Variants in PTPRN2 observed in about 807,000 individuals in gnomAD.
PTPRN2 encodes the protein protein tyrosine phosphatase receptor type N2.
Under a neutral mutation model 118.8 loss-of-function variants are expected in PTPRN2, and 74 were observed. The observed-to-expected ratio is 0.62, with a 90% CI of 0.52 to 0.76. The LOEUF (loss-of-function observed/expected upper bound fraction) is 0.76. PTPRN2 is among the 30% of genes least tolerant of loss of function. The pLI, the probability that PTPRN2 is intolerant of heterozygous loss-of-function variation, is 0.00. For synonymous variants in PTPRN2, 641 were observed against 608.0 expected (o/e 1.05, Z -0.80); for missense variants, 1,481 against 1,394.4 (o/e 1.06, Z -0.99).
At position 157,568,891 on chromosome 7, in the gene PTPRN2, C is replaced by G; in HGVS notation, c.2902+11G>C. ...CTGAGCCGCAACAAAGCGGCAGTGT[C>G]TGTGTCTCACCTTTGGCCATCTTGT... On this transcript the variant is annotated intron_variant, in intron 21 of 22. Transcript: ENST00000389418. 2.6e-6 allele frequency: 4 copies of G among 1,546,372 alleles called. No homozygotes were observed. In the South Asian group the frequency reaches 4.5e-5, roughly 17 times the overall value.
At chr7:157,558,074 A>G (rs1798993779) in intron 21 of PTPRN2, among the ~76,000 whole-genome samples, 1 of 62,304 alleles carries the variant, frequency 1.6e-5, no homozygotes, top group Non-Finnish European at 3.9e-5. Flanking sequence ...AGGCGAGCAC[A>G]GCTTCACAAT....
At position 158,008,406 on chromosome 7, in the gene PTPRN2, C is replaced by T. The variant is rs188921311; in HGVS notation, c.1723+72892G>A. Among the ~76,000 whole-genome samples, 117 of 152,326 alleles carry T rather than the reference C, an allele frequency of 7.7e-4. 3 individuals carry two copies. The highest frequency in any genetic ancestry group is 7.3e-3 in the Admixed American group (112 of 15,304). ...TACAGAGAAGGCCGCGGGGGCTCCCCGCCAGGTCTGTGCATTTCAACTCAG... is the reference window on the plus strand; with the variant it reads ...TACAGAGAAGGCCGCGGGGGCTCCCTGCCAGGTCTGTGCATTTCAACTCAG... On this transcript the variant is annotated intron_variant, in intron 11 of 22. Coordinates refer to ENST00000389418, the MANE Select transcript of PTPRN2 (RefSeq NM_002847.5).
chr7:158,205,354 C>G (rs1585845234), intron 3 of PTPRN2, 81 bp from the exon 4 acceptor site: 1 of 996,438 alleles, frequency 1.0e-6, no homozygotes, highest in East Asian at 2.5e-5. Flanking sequence ...CAATTAGTTG[C>G]ATTTCAGCAT....
At chr7:158,165,931 G>T (rs1248420070) in intron 6 of PTPRN2, among the ~76,000 whole-genome samples, 1 of 152,148 alleles carries the variant, frequency 6.6e-6, no homozygotes, top group Non-Finnish European at 1.5e-5. Context: ...CTAGTGCATG[G>T]TGAGCAGCAT....
At chr7:158,182,824 A>G (rs1824827084) in intron 5 of PTPRN2, among the ~76,000 whole-genome samples, 1 of 152,170 alleles carries the variant, frequency 6.6e-6, no homozygotes, top group Non-Finnish European at 1.5e-5. Context: ...TAGAGTGTAG[A>G]CTAAGTCCAT....
intron 2 of PTPRN2, among the ~76,000 whole-genome samples, chr7:158,389,529 G>C (rs774935670): frequency 2.0e-5 from 3 of 152,202 alleles, no homozygotes; most frequent in Admixed American, 6.5e-5. Flanking sequence ...TTATGGTTTT[G>C]ATTCTGAGTT....
At chr7:158,464,160 C>A (rs1309754002) in intron 2 of PTPRN2, among the ~76,000 whole-genome samples, 2 of 86,912 alleles carry the variant, frequency 2.3e-5, no homozygotes, top group Non-Finnish European at 4.6e-5. Flanking sequence ...CTTACCATCA[C>A]CATCATTGCC....
chr7:158,106,967 C>T (rs563156052), intron 10 of PTPRN2, among the ~76,000 whole-genome samples: 12 of 152,266 alleles, frequency 7.9e-5, no homozygotes, highest in African/African-American at 2.4e-4. Flanking sequence ...TATTTTCAAC[C>T]TCTGTGAAAT....
chr7:157,542,328 GATGCCAAA>G (rs1230473957), intron 22 of PTPRN2, among the ~76,000 whole-genome samples: 1 of 152,214 alleles, frequency 6.6e-6, no homozygotes, highest in African/African-American at 2.4e-5. Flanking sequence ...AGGGCTTGGA[GATGCCAAA>G]AATTAAGCGT....
intron 3 of PTPRN2, among the ~76,000 whole-genome samples, chr7:158,279,037 T>A (rs752209235): frequency 2.0e-5 from 3 of 151,962 alleles, no homozygotes; most frequent in Non-Finnish European, 4.4e-5. Context: ...ACCCAAAGAG[T>A]GAGCACCAGC....
intron 11 of PTPRN2, among the ~76,000 whole-genome samples, chr7:157,901,101 AGAGAGGAAGCAG>A (rs1161099473): frequency 6.6e-6 from 1 of 152,166 alleles, no homozygotes. Context: ...TCACATGGGG[AGAGAGGAAGCAG>A]GAGAGGGCGG....
intron 3 of PTPRN2, among the ~76,000 whole-genome samples, chr7:158,281,560 G>A (rs1799424757): frequency 6.6e-6 from 1 of 152,224 alleles, no homozygotes; most frequent in Non-Finnish European, 1.5e-5. Context: ...GAGCACAGAG[G>A]TGCATGGAAA....
At position 157,571,473 on chromosome 7, in the gene PTPRN2, C is replaced by G; in HGVS notation, c.2804G>C (p.Arg935Thr). 1 of 1,609,776 alleles carries G rather than the reference C, an allele frequency of 6.2e-7. No homozygotes were observed. Among genetic ancestry groups the G allele is most frequent in the Non-Finnish European group, 8.5e-7 (1 of 1,177,596 alleles). The change falls in exon 20 of 23, where the codon AGG becomes ACG. Residue 935 changes from arginine to threonine, a missense_variant. Transcript: ENST00000389418. ...DFRRKVNKCY[R>T]GRSCPIIVHC... is the part of the protein sequence containing the mutation. ...AACAATTATTGGACAAGAACGGCCC[C>G]TGTAGCACTTGTTTACTTTTCTGAA...
chr7:158,409,200 C>T (rs1813828306), intron 2 of PTPRN2, among the ~76,000 whole-genome samples: 1 of 152,222 alleles, frequency 6.6e-6, no homozygotes, highest in South Asian at 2.1e-4. Flanking sequence ...CCTGGGGCCT[C>T]ACCTCCAAAG....
chr7:158,045,494 A>G (rs1287656874), intron 11 of PTPRN2, among the ~76,000 whole-genome samples: 1 of 152,220 alleles, frequency 6.6e-6, no homozygotes, highest in Non-Finnish European at 1.5e-5. Context: ...CATGAGAAAC[A>G]GGAAGGAGAG....
chr7:158,230,578 G>C (rs1407196997), intron 3 of PTPRN2, among the ~76,000 whole-genome samples: 1 of 151,786 alleles, frequency 6.6e-6, no homozygotes, highest in African/African-American at 2.4e-5. Flanking sequence ...ATTCTTTTGT[G>C]ATCTCAGTTA....
chr7:158,304,920 C>T (rs925497257), intron 3 of PTPRN2, among the ~76,000 whole-genome samples: 1 of 152,218 alleles, frequency 6.6e-6, no homozygotes, highest in African/African-American at 2.4e-5. Context: ...AGACATTTCC[C>T]AGGAGAGACA....
At chr7:157,860,376 C>T (rs932945515) in intron 12 of PTPRN2, among the ~76,000 whole-genome samples, 5 of 152,246 alleles carry the variant, frequency 3.3e-5, no homozygotes, top group Non-Finnish European at 5.9e-5. Context: ...GCCTTCGCGC[C>T]TCTCCAGGAG....
At chr7:158,149,243 A>G (rs774955386) in intron 6 of PTPRN2, among the ~76,000 whole-genome samples, 10 of 151,852 alleles carry the variant, frequency 6.6e-5, no homozygotes, top group South Asian at 2.1e-4. Context: ...GGCACCAATT[A>G]TAGTACAGGG....
Sources: allele counts gnomAD v4.1 joint callset (sites outside exome capture counted in the v4.1 genomes callset), GRCh38; gene constraint gnomAD v4.1.1; transcripts MANE v1.5; gene names NCBI Gene and HGNC (gene_info 2026-07-23, HGNC 2026-07-21).